RBL2: variants seen among roughly 807,000 people sequenced by gnomAD.
The protein encoded by RBL2 is RB transcriptional corepressor like 2, also known as retinoblastoma-like protein 2.
A neutral mutation model predicts 126.0 loss-of-function variants in RBL2; 56 were observed. That is an observed-to-expected ratio of 0.44 (90% CI 0.36 to 0.56). The LOEUF is 0.56. Ranked by LOEUF, RBL2 falls within the 20% of genes least tolerant of loss-of-function variation. RBL2 has a pLI of 0.00. For synonymous variants in RBL2, 454 were observed against 478.5 expected (o/e 0.95, Z 0.67); for missense variants, 1,229 against 1,398.2 (o/e 0.88, Z 1.93).
At chr16:53,489,399 C>T (rs1961307626) in intron 21 of RBL2, 1 of 152,178 alleles carries the variant, frequency 6.6e-6, no homozygotes, top group Non-Finnish European at 1.5e-5. Context: ...TGAAGCAGCA[C>T]ATGAAAAAGA....
intron 21 of RBL2, among the ~76,000 whole-genome samples, 195 bp downstream of exon 21, chr16:53,482,030 T>G (rs1221813875): frequency 6.6e-6 from 1 of 152,094 alleles, no homozygotes; most frequent in Non-Finnish European, 1.5e-5. Flanking sequence ...GGTGGAATTT[T>G]AGGGTGGGAA....
chr16:53,459,722 A>G lies in RBL2; in HGVS notation c.1346+105A>G, dbSNP rs929326469. The G allele has an allele frequency of 8.0e-6, 9 of 1,118,968 alleles. No homozygotes were observed. In the Admixed American group the frequency reaches 1.3e-4, roughly 16 times the overall value. The allele number at this position is 1,118,968 out of a possible 1,614,324, so 69.3% of individuals were successfully genotyped here. A position where few individuals can be genotyped will look rare whatever the true frequency, so the allele number is the denominator to read the frequency against. On this transcript the variant is annotated intron_variant, in intron 9 of 21. Transcript: ENST00000262133. ...TTAATTCACCCATGAATAATTTTTT[A>G]TCAATTGTATACTCAGTCCTGTTGT... is the stretch of plus-strand genomic sequence containing the variant.
chr16:53,468,759 A>G lies in RBL2; in HGVS notation c.1976-1157A>G, dbSNP rs192427139. Reference sequence around the variant, plus strand: ...AGTACTTCTTACAAACTTTCTATGTATATTTTAAATTTTAAAAACACTCTG... The same window carrying G: ...AGTACTTCTTACAAACTTTCTATGTGTATTTTAAATTTTAAAAACACTCTG... On this transcript the variant is annotated intron_variant, in intron 14 of 21. Transcript: ENST00000262133. Among the ~76,000 whole-genome samples the G allele has an allele frequency of 4.9e-4, 74 of 152,330 alleles. 1 individual carries two copies. Among genetic ancestry groups the G allele is most frequent in the African/African-American group, 1.3e-3 (54 of 41,580 alleles).
rs748997477 is a variant in RBL2 at position 53,470,113 on chromosome 16, C to A, written c.2173C>A (p.Gln725Lys). The part of the protein sequence containing the change: ...ETVSVTPVPG[Q>K]TLVTMATATV... The stretch of plus-strand genomic sequence containing the variant: ...TGTTTCTGTCACACCAGTTCCTGGA[C>A]AGACTTTGGTCACCATGGCAACCGC... Residue 725 changes from glutamine (Q) to lysine (K), a missense_variant, in exon 15 of 22, where the codon CAG becomes AAG. Coordinates refer to ENST00000262133, the MANE Select transcript of RBL2 (RefSeq NM_005611.4). The A allele has an allele frequency of 6.2e-7, 1 of 1,613,954 alleles. No homozygotes were observed. Among genetic ancestry groups the A allele is most frequent in the Admixed American group, 1.7e-5 (1 of 60,008 alleles).
chr16:53,479,351 A>G, intron 18 of RBL2, 126 bp downstream of exon 18: 1 of 734,466 alleles, frequency 1.4e-6, no homozygotes, highest in Non-Finnish European at 2.2e-6. Flanking sequence ...ACTTAAGGGA[A>G]GTTTCTACTT....
chr16:53,484,460 TTAAATA>T (rs1961080700), intron 21 of RBL2, among the ~76,000 whole-genome samples: 1 of 152,208 alleles, frequency 6.6e-6, no homozygotes, highest in South Asian at 2.1e-4. Flanking sequence ...GTTATATACT[TTAAATA>T]TAAAAATGTA....
Position 53,462,572 on chromosome 16 carries a change from C to T in RBL2, c.1477C>T (p.Arg493Cys), listed in dbSNP as rs781345488. ...CAKEIASKHF[R>C]FAEMLYYKVL... The stretch of plus-strand genomic sequence containing the variant: ...TACAGAAATTGCCAGCAAACATTTT[C>T]GTTTTGCGGAGATGCTTTACTATAA... The change falls in exon 11 of 22, where the codon CGT becomes TGT. Residue 493 changes from arginine (R) to cysteine (C), a missense_variant. Arg to Cys is a radical substitution (Grantham distance 180). Around this residue, in one of 2 missense-constraint regions of RBL2, gnomAD observed 1,070 missense variants for 1,274.3 expected, o/e 0.84. Coordinates refer to ENST00000262133, the MANE Select transcript of RBL2 (RefSeq NM_005611.4). 65 of 1,542,092 alleles carry T rather than the reference C, an allele frequency of 4.2e-5. No individual in the cohort carries two copies. Among genetic ancestry groups the T allele is most frequent in the Non-Finnish European group, 4.3e-5 (50 of 1,152,650 alleles).
chr16:53,479,523 A>C, intron 18 of RBL2: 1 of 487,788 alleles, frequency 2.1e-6, no homozygotes, highest in East Asian at 3.5e-5. Context: ...TAGTAAACAT[A>C]CTGTAGGTTT....
chr16:53,480,443 A>T, intron 19 of RBL2, 124 bp from the exon 20 acceptor site: 1 of 770,098 alleles, frequency 1.3e-6, no homozygotes, highest in Non-Finnish European at 2.2e-6. Context: ...TGAAGAACAG[A>T]GTGCCTATTC....
rs757143221 is a variant in RBL2 at position 53,442,896 on chromosome 16, G to T, written c.572+38G>T. On this transcript the variant is annotated intron_variant, in intron 3 of 21. Coordinates refer to ENST00000262133, the MANE Select transcript of RBL2 (RefSeq NM_005611.4). The stretch of plus-strand genomic sequence containing the variant: ...GTTGGTTCATCAGGAATACACGTTA[G>T]TCTGTGCTGCAGTGTTGATATTCTG... 2.7e-6 allele frequency: 4 copies of T among 1,479,952 alleles called. No individual in the cohort carries two copies. The East Asian group carries it at 9.1e-5, about 34-fold the overall frequency. 91.7% of individuals were successfully genotyped at this position (1,479,952 alleles called of 1,614,324 possible).
chr16:53,453,606 A>C lies in RBL2; in HGVS notation c.921A>C (p.Glu307Asp). 6.2e-7 allele frequency: 1 copy of C among 1,606,156 alleles called. No homozygotes were observed. The highest frequency in any genetic ancestry group is 8.5e-7 in the Non-Finnish European group (1 of 1,176,522). The part of the protein sequence containing the change: ...FWKPYIRKLY[E>D]KKLLKGKEEN... ...AACCCTATATTAGGAAACTTTATGA[A>C]AAAAAGGTTTGTAAGTAGCAAAGAA... Residue 307 changes from glutamate to aspartate, a missense_variant, in exon 6 of 22, where the codon GAA (glutamate) becomes GAC (aspartate). Glu to Asp is a conservative substitution (Grantham distance 45). This residue lies in a region of RBL2 where 1,070 missense variants were observed against 1,274.3 expected (regional missense o/e 0.84). Coordinates refer to ENST00000262133, the MANE Select transcript of RBL2 (RefSeq NM_005611.4).
chr16:53,470,086 A>T lies in RBL2; in HGVS notation c.2146A>T (p.Thr716Ser). 1 of 1,614,128 alleles carries T rather than the reference A, an allele frequency of 6.2e-7. No homozygotes were observed. Among genetic ancestry groups the T allele is most frequent in the Admixed American group, 1.7e-5 (1 of 60,014 alleles). ...AVPVQNVSGE[T>S]VSVTPVPGQT... is the part of the protein sequence containing the mutation. ...CCCTGTGCAGAATGTATCTGGGGAGACTGTTTCTGTCACACCAGTTCCTGG... is the reference window on the plus strand; with the variant it reads ...CCCTGTGCAGAATGTATCTGGGGAGTCTGTTTCTGTCACACCAGTTCCTGG... The change falls in exon 15 of 22, where the codon ACT becomes TCT. Residue 716 changes from threonine (T) to serine (S), a missense_variant. This residue lies in a region of RBL2 where 1,070 missense variants were observed against 1,274.3 expected (regional missense o/e 0.84). Coordinates refer to ENST00000262133, the MANE Select transcript of RBL2 (RefSeq NM_005611.4).
In RBL2 at chr16:53,453,448, A is replaced by T. The variant is rs770601720; in HGVS notation, c.767-4A>T. Reference sequence around the variant, plus strand: ...TCTCTGTTTTGTGATTCTATACACCATAGGCTTATCTGAAGATTTTCATGC... The same window carrying T: ...TCTCTGTTTTGTGATTCTATACACCTTAGGCTTATCTGAAGATTTTCATGC... On this transcript the variant is annotated splice_polypyrimidine_tract_variant and splice_region_variant and intron_variant, in intron 5 of 21. Transcript: ENST00000262133. 2.3e-5 allele frequency: 37 copies of T among 1,611,292 alleles called. No individual in the cohort carries two copies. The highest frequency in any genetic ancestry group is 5.1e-6 in the Non-Finnish European group (6 of 1,178,144).
chr16:53,456,048 C>T (rs1265377747), intron 8 of RBL2, among the ~76,000 whole-genome samples: 1 of 151,994 alleles, frequency 6.6e-6, no homozygotes, highest in Non-Finnish European at 1.5e-5. Context: ...TGGTTGTGTC[C>T]ACCTGTGGGC....
chr16:53,465,028 C>T (rs2058259825), intron 12 of RBL2, among the ~76,000 whole-genome samples: 2 of 152,148 alleles, frequency 1.3e-5, no homozygotes, highest in South Asian at 2.1e-4. Flanking sequence ...CTCCTGACCT[C>T]GTGATCTGCC....
intron 21 of RBL2, among the ~76,000 whole-genome samples, chr16:53,485,218 T>C (rs1961118943): frequency 6.6e-6 from 1 of 152,214 alleles, no homozygotes; most frequent in Non-Finnish European, 1.5e-5. Context: ...GTTGAAATAC[T>C]GTGTTTTCAC....
chr16:53,438,058 A>G (rs540335479), intron 1 of RBL2, among the ~76,000 whole-genome samples: 3 of 152,186 alleles, frequency 2.0e-5, no homozygotes, highest in African/African-American at 4.8e-5. Context: ...AAAATAAACA[A>G]TAATATTGTT....
chr16:53,453,668 T>C, intron 6 of RBL2, 37 bp from the exon 7 acceptor site: 4 of 1,602,944 alleles, frequency 2.5e-6, no homozygotes, highest in Non-Finnish European at 2.6e-6. Context: ...AAACTTGATT[T>C]AACATGACGA....
intron 17 of RBL2, among the ~76,000 whole-genome samples, chr16:53,471,339 T>TGTAC (rs1426409793): frequency 7.9e-5 from 12 of 152,182 alleles, no homozygotes; most frequent in Non-Finnish European, 1.6e-4. Flanking sequence ...TCCAAAGTAC[T>TGTAC]GTACCATTTT....
Sources: allele counts gnomAD v4.1 joint callset (sites outside exome capture counted in the v4.1 genomes callset), GRCh38; gene constraint gnomAD v4.1.1; regional missense constraint gnomAD v4.1.1; transcripts MANE v1.5; gene names NCBI Gene and HGNC (gene_info 2026-07-23, HGNC 2026-07-21).